Variants in TRPC4AP observed in about 807,000 individuals in gnomAD.
The protein encoded by TRPC4AP is transient receptor potential cation channel subfamily C member 4 associated protein.
In TRPC4AP, 45 loss-of-function variants were observed where a neutral mutation model predicts 99.0. That is an observed-to-expected ratio of 0.45 (90% confidence interval 0.36 to 0.58). TRPC4AP has a LOEUF of 0.58. TRPC4AP is among the 20% of genes least tolerant of loss of function. The pLI, the probability that TRPC4AP is intolerant of heterozygous loss-of-function variation, is 0.00. For synonymous variants in TRPC4AP, 408 were observed against 385.8 expected (o/e 1.06, Z -0.67); for missense variants, 879 against 985.3 (o/e 0.89, Z 1.44).
At chr20:35,044,227 CA>C (rs1347300578) in intron 7 of TRPC4AP, among the ~76,000 whole-genome samples, 1 of 151,340 alleles carries the variant, frequency 6.6e-6, no homozygotes, top group Non-Finnish European at 1.5e-5. Context: ...CCCATCTCTA[CA>C]AAAAATACAA....
chr20:35,076,938 T>C (rs914561835), intron 2 of TRPC4AP, among the ~76,000 whole-genome samples: 4 of 152,188 alleles, frequency 2.6e-5, no homozygotes, highest in Admixed American at 2.6e-4. Context: ...GGCCGCTTTG[T>C]TTACCTACGC....
chr20:35,090,561 A>AC (rs1461179101), intron 1 of TRPC4AP, among the ~76,000 whole-genome samples: 1 of 151,774 alleles, frequency 6.6e-6, no homozygotes, highest in Non-Finnish European at 1.5e-5. Context: ...TTTAGTAGAG[A>AC]CGGGGCTTCG....
chr20:35,079,209 T>G (rs181981819), intron 1 of TRPC4AP, among the ~76,000 whole-genome samples: 3 of 152,186 alleles, frequency 2.0e-5, no homozygotes, highest in Admixed American at 2.0e-4. Flanking sequence ...GGGTTAATTC[T>G]CCAAGAAGAC....
chr20:35,061,428 A>G (rs2084005260), intron 3 of TRPC4AP, among the ~76,000 whole-genome samples: 2 of 152,240 alleles, frequency 1.3e-5, no homozygotes, highest in Non-Finnish European at 2.9e-5. Flanking sequence ...TACAAATTCA[A>G]TGCAATCACT....
chr20:35,051,112 G>A (rs2083689777), intron 5 of TRPC4AP, among the ~76,000 whole-genome samples: 1 of 151,874 alleles, frequency 6.6e-6, no homozygotes, highest in African/African-American at 2.4e-5. Flanking sequence ...CTAGAGCTTA[G>A]TGACTTTAAT....
chr20:35,019,961 C>T (rs758097790), intron 9 of TRPC4AP, among the ~76,000 whole-genome samples: 1 of 152,168 alleles, frequency 6.6e-6, no homozygotes, highest in Non-Finnish European at 1.5e-5. Flanking sequence ...CCATCTTCCT[C>T]CCTAAGCCTG....
At position 35,029,628 on chromosome 20, in the gene TRPC4AP, CTTTTTTTTTTT is replaced by C. The variant is rs35372826; in HGVS notation, c.1051+5484_1051+5494del. ...TTTACTATATTTCCCAAGTTACTTT[CTTTTTTTTTTT>C]TTTTTTTTTTTTTTGAGACAGAGTC... On this transcript the variant is annotated intron_variant, in intron 8 of 18. Coordinates refer to ENST00000252015, the MANE Select transcript of TRPC4AP (RefSeq NM_015638.3). Among the ~76,000 whole-genome samples, 6 of 39,390 alleles carry C rather than the reference CTTTTTTTTTTT, an allele frequency of 1.5e-4. 1 individual carries two copies. In the South Asian group the frequency reaches 6.3e-3, roughly 42 times the overall value. The allele number at this position is 39,390 out of a possible 152,430, so 25.8% of individuals were successfully genotyped here.
rs372161656 is a variant in TRPC4AP, at chr20:35,086,575, G to GTA, written c.168+6037_168+6038dup. Among the ~76,000 whole-genome samples, 31 of 89,762 alleles carry GTA rather than the reference G, an allele frequency of 3.5e-4. 1 individual carries two copies. The highest frequency in any genetic ancestry group is 8.5e-4 in the South Asian group (2 of 2,360). The allele number at this position is 89,762 out of a possible 152,430, so 58.9% of individuals were successfully genotyped here. A position where few individuals can be genotyped will look rare whatever the true frequency, so the allele number is the denominator to read the frequency against. ...TGTGTGTGTGTGTGTGTGTGTGTGT[G>GTA]TATATATATATGAATAAGACTTTAT... On this transcript the variant is annotated intron_variant, in intron 1 of 18. Transcript: ENST00000252015.
chr20:35,017,877 TA>T (rs2082791053), intron 9 of TRPC4AP, among the ~76,000 whole-genome samples: 1 of 152,228 alleles, frequency 6.6e-6, no homozygotes, highest in Admixed American at 6.5e-5. Flanking sequence ...TTAAGACTCA[TA>T]AGCAGCCCAG....
At chr20:35,040,118 C>G (rs2147349100) in intron 7 of TRPC4AP, among the ~76,000 whole-genome samples, 1 of 151,828 alleles carries the variant, frequency 6.6e-6, no homozygotes, top group South Asian at 2.1e-4. Flanking sequence ...CGTTGAAGCT[C>G]TAGCCCTAAA....
At chr20:35,041,155 A>AGGAAGAAAGGCCTCAACC (rs1555909104) in intron 7 of TRPC4AP, among the ~76,000 whole-genome samples, 4 of 152,080 alleles carry the variant, frequency 2.6e-5, no homozygotes, top group Admixed American at 6.5e-5. Flanking sequence ...TCTGTTAGTT[A>AGGAAGAAAGGCCTCAACC]AGCCACCTAG....
At chr20:35,064,332 A>C (rs1267920142) in intron 3 of TRPC4AP, among the ~76,000 whole-genome samples, 1 of 152,228 alleles carries the variant, frequency 6.6e-6, no homozygotes. Context: ...CATTTTTTAA[A>C]TTAAAAAGCC....
rs34091819 is a variant in TRPC4AP, at chr20:35,051,033, T to TACACAC, written c.529-1045_529-1040dup. Reference sequence around the variant, plus strand: ...AAGAAACTGCAGTACTGCTATAGCTTACACACACACACACACACACACACA... The same window carrying TACACAC: ...AAGAAACTGCAGTACTGCTATAGCTTACACACACACACACACACACACACACACACA... On this transcript the variant is annotated intron_variant, in intron 5 of 18. Coordinates refer to ENST00000252015, the MANE Select transcript of TRPC4AP (RefSeq NM_015638.3). 6.1e-3 allele frequency among the ~76,000 whole-genome samples: 889 copies of TACACAC among 144,986 alleles called. 6 individuals are homozygous for TACACAC. The highest frequency in any genetic ancestry group is 0.015 in the African/African-American group (583 of 39,378).
rs543709841 is a variant in TRPC4AP at position 35,059,998 on chromosome 20, T to C, written c.415-2427A>G. Among the ~76,000 whole-genome samples, 19 of 152,038 alleles carry C rather than the reference T, an allele frequency of 1.2e-4. No homozygotes were observed. In the South Asian group the frequency reaches 3.9e-3, roughly 32 times the overall value. ...TAACAAGTAGAGACTGACTTAGTGA[T>C]TTAAAAAAAAACAAACAAAAACAAC... On this transcript the variant is annotated intron_variant, in intron 3 of 18. Transcript: ENST00000252015.
At position 35,021,182 on chromosome 20, in the gene TRPC4AP, G is replaced by A; in HGVS notation, c.1218+8C>T. 6.2e-7 allele frequency: 1 copy of A among 1,608,700 alleles called. No homozygotes were observed. Among genetic ancestry groups the A allele is most frequent in the South Asian group, 1.1e-5 (1 of 90,956 alleles). On this transcript the variant is annotated splice_region_variant and intron_variant, in intron 9 of 18. Transcript: ENST00000252015. ...CCCCGTGTCCTGAGACGCTGGAGAG[G>A]GGCCCACCTGGTTTCGCTGACGCCC...
intron 3 of TRPC4AP, among the ~76,000 whole-genome samples, chr20:35,063,376 T>G (rs1183185529): frequency 3.3e-5 from 5 of 152,160 alleles, no homozygotes; most frequent in African/African-American, 9.7e-5. Context: ...TATGGATATT[T>G]CACAACAGGC....
At chr20:35,046,126 A>G (rs552314437) in intron 6 of TRPC4AP, among the ~76,000 whole-genome samples, 2 of 152,328 alleles carry the variant, frequency 1.3e-5, no homozygotes, top group Non-Finnish European at 2.9e-5. Flanking sequence ...ACTTTACCAG[A>G]AATAATTCCA....
At chr20:35,054,683 G>A in intron 5 of TRPC4AP, among the ~76,000 whole-genome samples, 1 of 152,130 alleles carries the variant, frequency 6.6e-6, no homozygotes, top group East Asian at 1.9e-4. Flanking sequence ...GTCACAGTCT[G>A]CCAACACTTG....
At chr20:35,009,799 C>T (rs1411053368) in intron 12 of TRPC4AP, among the ~76,000 whole-genome samples, 1 of 152,256 alleles carries the variant, frequency 6.6e-6, no homozygotes, top group Non-Finnish European at 1.5e-5. Flanking sequence ...TAACACTTGG[C>T]AGCAGGTAAG....
Sources: allele counts gnomAD v4.1 joint callset (sites outside exome capture counted in the v4.1 genomes callset), GRCh38; gene constraint gnomAD v4.1.1; transcripts MANE v1.5; gene names NCBI Gene and HGNC (gene_info 2026-07-23, HGNC 2026-07-21).